The following CSMD3 variants were observed in gnomAD, a reference collection of about 807,000 sequenced individuals.
CSMD3 encodes CUB and sushi domain-containing protein 3.
In CSMD3, 177 loss-of-function variants were observed where a neutral mutation model predicts 435.2. The observed-to-expected ratio is 0.41, with a 90% CI of 0.36 to 0.46. The LOEUF (loss-of-function observed/expected upper bound fraction) is 0.46, where lower values mean the gene tolerates loss of function less well. Among genes scored for constraint, CSMD3 ranks in the 20% least tolerant of loss-of-function variants. The probability of loss-of-function intolerance (pLI) is 0.34; values close to 1 mark genes in which losing one functional copy is unlikely to be tolerated. For synonymous variants in CSMD3, 1,656 were observed against 1,520.5 expected (o/e 1.09, Z -2.07); for missense variants, 4,265 against 4,504.6 (o/e 0.95, Z 1.52).
In CSMD3 at chr8:112,352,621, C is replaced by T. The variant is rs563060673; in HGVS notation, c.6137-87G>A. ...ATATTAAGTTGCTAAAATTGAATAT[C>T]AGTGTCTCATCAAACTAGATACTAT... On this transcript the variant is annotated intron_variant, in intron 38 of 70. Coordinates refer to ENST00000297405, the MANE Select transcript of CSMD3 (RefSeq NM_198123.2). 63 of 1,159,620 alleles carry T rather than the reference C, an allele frequency of 5.4e-5. No individual in the cohort carries two copies. The East Asian group carries it at 1.4e-3, about 25-fold the overall frequency. The allele number at this position is 1,159,620 out of a possible 1,614,324, so 71.8% of individuals were successfully genotyped here. A position where few individuals can be genotyped will look rare whatever the true frequency, so the allele number is the denominator to read the frequency against.
intron 10 of CSMD3, among the ~76,000 whole-genome samples, chr8:112,897,223 G>A (rs1055148520): frequency 2.6e-5 from 4 of 151,338 alleles, no homozygotes; most frequent in African/African-American, 4.8e-5. Flanking sequence ...GCATGTGTGT[G>A]CTTGTCTTTT....
intron 13 of CSMD3, among the ~76,000 whole-genome samples, chr8:112,701,800 CTTG>C (rs926324096): frequency 1.3e-5 from 2 of 152,146 alleles, no homozygotes; most frequent in Admixed American, 6.6e-5. Context: ...TGTTGAAGCA[CTTG>C]TTGTTCCCTT....
intron 1 of CSMD3, among the ~76,000 whole-genome samples, chr8:113,373,395 G>A (rs930981058): frequency 2.0e-5 from 3 of 151,858 alleles, no homozygotes; most frequent in African/African-American, 7.3e-5. Flanking sequence ...TTTGATCCCT[G>A]TTTTACTCCA....
At chr8:113,066,081 G>A (rs1588001465) in intron 5 of CSMD3, among the ~76,000 whole-genome samples, 1 of 141,554 alleles carries the variant, frequency 7.1e-6, no homozygotes. Flanking sequence ...AAAAAGTTTG[G>A]AAACCCTTAT....
chr8:112,308,982 C>A (rs2130802564), intron 50 of CSMD3, among the ~76,000 whole-genome samples: 1 of 152,016 alleles, frequency 6.6e-6, no homozygotes, highest in African/African-American at 2.4e-5. Context: ...GAGGTCATAT[C>A]CTGTAAGCAT....
chr8:112,292,455 T>C (rs2130685987), intron 55 of CSMD3, 82 bp downstream of exon 55: 2 of 1,413,970 alleles, frequency 1.4e-6, no homozygotes, highest in Non-Finnish European at 2.0e-6. Context: ...ACTATTCTGC[T>C]CAAGCTGTTT....
intron 37 of CSMD3, among the ~76,000 whole-genome samples, chr8:112,380,678 T>C (rs1829392203): frequency 6.6e-6 from 1 of 152,168 alleles, no homozygotes; most frequent in African/African-American, 2.4e-5. Flanking sequence ...TTAGATTGCT[T>C]CCTAAAAATA....
chr8:112,240,027 T>C (rs934050187), intron 66 of CSMD3, among the ~76,000 whole-genome samples: 2 of 152,064 alleles, frequency 1.3e-5, no homozygotes, highest in Non-Finnish European at 2.9e-5. Context: ...TTCCTTTTCT[T>C]ATAGCCCTCA....
intron 2 of CSMD3, among the ~76,000 whole-genome samples, chr8:113,280,534 G>T (rs1384679327): frequency 6.6e-6 from 1 of 151,724 alleles, no homozygotes; most frequent in Non-Finnish European, 1.5e-5. Context: ...TCTTAGTGAG[G>T]TTATTTGGAT....
chr8:113,219,698 C>T (rs1261035824), intron 3 of CSMD3, among the ~76,000 whole-genome samples: 1 of 151,306 alleles, frequency 6.6e-6, no homozygotes. Context: ...TATATAATAA[C>T]TGAAGAAAAA....
chr8:113,165,368 G>C (rs1522063), intron 4 of CSMD3, among the ~76,000 whole-genome samples: 27 of 152,230 alleles, frequency 1.8e-4, no homozygotes, highest in African/African-American at 6.3e-4. Flanking sequence ...CTTCAAAAAT[G>C]TAAACTTTCC....
At chr8:112,952,360 A>C (rs956188546) in intron 8 of CSMD3, among the ~76,000 whole-genome samples, 16 of 151,666 alleles carry the variant, frequency 1.1e-4, no homozygotes, top group African/African-American at 3.4e-4. Context: ...CCATCATAGA[A>C]TTGATCTTTT....
chr8:112,746,565 T>A (rs1252618835), intron 13 of CSMD3, among the ~76,000 whole-genome samples: 1 of 152,200 alleles, frequency 6.6e-6, no homozygotes. Flanking sequence ...TGTTGTTCTT[T>A]CTTACACTGA....
intron 27 of CSMD3, among the ~76,000 whole-genome samples, chr8:112,543,835 T>C (rs938314883): frequency 7.9e-5 from 12 of 152,168 alleles, no homozygotes; most frequent in Non-Finnish European, 1.8e-4. Context: ...AACTTAATTG[T>C]CTAATGACAG....
chr8:112,453,125 T>C (rs1816469647), intron 32 of CSMD3, among the ~76,000 whole-genome samples: 1 of 152,054 alleles, frequency 6.6e-6, no homozygotes. Flanking sequence ...AAGTTACCAG[T>C]AAGTAAATGG....
rs771651948 is a variant in CSMD3 at position 112,292,547 on chromosome 8, A to C, written c.8778T>G (p.Pro2926=). The part of the protein sequence containing the change: ...QANRQWSHPP[P]MCKVVNCSDP... The stretch of plus-strand genomic sequence containing the variant: ...TACTTAGACATTTACCTTTGCACAT[A>C]GGTGGAGGATGGCTCCACTGTCTGT... The change falls in exon 55 of 71, where the codon CCT becomes CCG. Residue 2926 remains proline (P), a synonymous_variant. Transcript: ENST00000297405. 1.2e-6 allele frequency: 2 copies of C among 1,613,774 alleles called. No individual in the cohort carries two copies. The highest frequency in any genetic ancestry group is 2.2e-5 in the South Asian group (2 of 91,074).
intron 32 of CSMD3, among the ~76,000 whole-genome samples, chr8:112,445,977 T>C (rs202144976): frequency 6.6e-6 from 1 of 152,220 alleles, no homozygotes; most frequent in Non-Finnish European, 1.5e-5. Context: ...TAAAACTTTT[T>C]CTTAAATAAT....
chr8:112,314,356 T>C (rs543085194), intron 48 of CSMD3, 73 bp downstream of exon 48: 6 of 1,141,642 alleles, frequency 5.3e-6, no homozygotes, highest in Non-Finnish European at 7.9e-6. Context: ...CTGTTTATAC[T>C]CAAAGTTTAC....
intron 10 of CSMD3, among the ~76,000 whole-genome samples, chr8:112,914,801 T>C (rs2082527653): frequency 6.6e-6 from 1 of 151,888 alleles, no homozygotes; most frequent in African/African-American, 2.4e-5. Flanking sequence ...ACAGACATTC[T>C]AAAGGTTACA....
Sources: gnomAD v4.1 joint callset for allele counts (sites outside exome capture counted in the v4.1 genomes callset) on GRCh38, gnomAD v4.1.1 for gene constraint, MANE v1.5 for transcripts, NCBI Gene and HGNC (gene_info 2026-07-23, HGNC 2026-07-21) for gene names.